Variants in DNAH14 observed in about 807,000 individuals in gnomAD.
DNAH14 encodes the protein axonemal beta dynein heavy chain 14.
DNAH14 carries 478 observed loss-of-function variants against 520.9 expected under a neutral mutation model. The observed-to-expected ratio is 0.92, with a 90% confidence interval of 0.85 to 0.99. DNAH14 has a LOEUF of 0.99. Among genes scored for constraint, DNAH14 ranks in the 50% least tolerant of loss-of-function variants. The pLI, the probability that DNAH14 is intolerant of heterozygous loss-of-function variation, is 0.00. For synonymous variants in DNAH14, 1,581 were observed against 1,757.2 expected, an observed-to-expected ratio of 0.90 and a Z score of 2.51; for missense variants, 4,831 against 5,234.5, an observed-to-expected ratio of 0.92 and a Z score of 2.38.
chr1:224,985,653 A>G (rs990901042), intron 8 of DNAH14, among the ~76,000 whole-genome samples: 7 of 152,162 alleles, frequency 4.6e-5, no homozygotes, highest in Admixed American at 3.3e-4. Flanking sequence ...AGGAAGCTCA[A>G]AGAAATTCAA....
chr1:225,283,583 A>G (rs2093672993), intron 54 of DNAH14, among the ~76,000 whole-genome samples: 1 of 152,218 alleles, frequency 6.6e-6, no homozygotes. Context: ...TAACAATAAT[A>G]GTTGGACACT....
At chr1:225,200,367 A>ATGCTATTTGTTGCC (rs2086666314) in intron 38 of DNAH14, among the ~76,000 whole-genome samples, 1 of 152,068 alleles carries the variant, frequency 6.6e-6, no homozygotes, top group Non-Finnish European at 1.5e-5. Context: ...TCCAGTCATC[A>ATGCTATTTGTTGCC]TGCTATTTGT....
At chr1:225,225,568 C>T (rs1474253820) in intron 41 of DNAH14, among the ~76,000 whole-genome samples, 1 of 151,750 alleles carries the variant, frequency 6.6e-6, no homozygotes, top group Non-Finnish European at 1.5e-5. Flanking sequence ...AAAATATGCT[C>T]AGAAAAAAAA....
At chr1:224,988,417 A>G (rs908689705) in intron 8 of DNAH14, among the ~76,000 whole-genome samples, 1 of 152,200 alleles carries the variant, frequency 6.6e-6, no homozygotes, top group South Asian at 2.1e-4. Flanking sequence ...CAAAACCACA[A>G]TGAAATACCA....
At chr1:225,386,128 G>C (rs1318579970) in intron 81 of DNAH14, among the ~76,000 whole-genome samples, 2 of 152,202 alleles carry the variant, frequency 1.3e-5, no homozygotes, top group Non-Finnish European at 2.9e-5. Context: ...AAGCAATGGG[G>C]AAACGATTCC....
intron 27 of DNAH14, among the ~76,000 whole-genome samples, chr1:225,128,110 A>T (rs1395347838): frequency 1.3e-5 from 2 of 152,120 alleles, no homozygotes; most frequent in Non-Finnish European, 2.9e-5. Context: ...CTTTGTGGGT[A>T]ACCCGACCGT....
chr1:225,252,043 T>G (rs930551590), intron 43 of DNAH14, among the ~76,000 whole-genome samples: 28 of 152,180 alleles, frequency 1.8e-4, no homozygotes, highest in African/African-American at 6.8e-4. Flanking sequence ...ATCAAAACTT[T>G]GGGGTAAGAT....
intron 36 of DNAH14, among the ~76,000 whole-genome samples, chr1:225,175,269 G>A (rs770024417): frequency 1.3e-5 from 2 of 152,096 alleles, no homozygotes; most frequent in Non-Finnish European, 2.9e-5. Flanking sequence ...GTAGAATTCA[G>A]CAGTGAAGCC....
intron 27 of DNAH14, among the ~76,000 whole-genome samples, chr1:225,131,667 A>G (rs1559056106): frequency 6.6e-6 from 1 of 152,216 alleles, no homozygotes; most frequent in Non-Finnish European, 1.5e-5. Flanking sequence ...GAATTAGGAA[A>G]TGAATATCTT....
intron 61 of DNAH14, 68 bp downstream of exon 61, chr1:225,318,745 C>A (rs2094509617): frequency 1.4e-6 from 2 of 1,401,806 alleles, no homozygotes; most frequent in East Asian, 2.5e-5. Flanking sequence ...GTTTACTAAG[C>A]CTATATTCCA....
chr1:225,117,808 C>T lies in DNAH14; in HGVS notation c.3972+20C>T. 1 of 1,530,750 alleles carries T rather than the reference C, an allele frequency of 6.5e-7. No individual in the cohort carries two copies. 94.8% of individuals were successfully genotyped at this position (1,530,750 alleles called of 1,614,324 possible). On this transcript the variant is annotated intron_variant, in intron 24 of 85. Transcript: ENST00000682510. ...GTACAGGTAATAACATCTTTCTCTGCTCAGCAATATTATATTAGCGATATT... is the reference window on the plus strand; with the variant it reads ...GTACAGGTAATAACATCTTTCTCTGTTCAGCAATATTATATTAGCGATATT...
At chr1:225,096,523 A>G (rs1216589756) in intron 21 of DNAH14, among the ~76,000 whole-genome samples, 1 of 152,154 alleles carries the variant, frequency 6.6e-6, no homozygotes, top group Non-Finnish European at 1.5e-5. Context: ...CTATTACTTT[A>G]ATAAGCATAG....
chr1:225,179,571 A>G (rs2083729557), intron 36 of DNAH14, among the ~76,000 whole-genome samples: 2 of 152,164 alleles, frequency 1.3e-5, no homozygotes, highest in Non-Finnish European at 2.9e-5. Context: ...TGTCTATCTC[A>G]CAACAAATTG....
At chr1:225,077,165 T>C (rs1421166527) in intron 17 of DNAH14, among the ~76,000 whole-genome samples, 1 of 152,246 alleles carries the variant, frequency 6.6e-6, no homozygotes, top group Admixed American at 6.5e-5. Flanking sequence ...ATTACATCTA[T>C]TGAGATAATC....
At chr1:225,336,851 A>G (rs2095066724) in intron 66 of DNAH14, among the ~76,000 whole-genome samples, 1 of 152,164 alleles carries the variant, frequency 6.6e-6, no homozygotes, top group Admixed American at 6.6e-5. Context: ...TGTGGTATAT[A>G]TGTATGTGTG....
intron 44 of DNAH14, 148 bp from the exon 45 acceptor site, chr1:225,257,812 G>A: frequency 1.7e-6 from 1 of 601,868 alleles, no homozygotes; most frequent in Non-Finnish European, 2.7e-6. Flanking sequence ...TGGGATTACA[G>A]GCGTGAGCCA....
chr1:225,306,712 T>C (rs1419358682), intron 58 of DNAH14, among the ~76,000 whole-genome samples: 1 of 152,150 alleles, frequency 6.6e-6, no homozygotes, highest in East Asian at 1.9e-4. Flanking sequence ...ACATACCTTG[T>C]ACTATCCTAG....
chr1:225,290,038 G>T lies in DNAH14; in HGVS notation c.8425G>T (p.Gly2809Trp). ...KKVFIHAGLK[G>W]KPTVLMVPNL... The stretch of plus-strand genomic sequence containing the variant: ...GGTGTTTATTCACGCAGGATTAAAA[G>T]GGAAACCCACTGTTCTGATGGTTCC... The change falls in exon 55 of 86, where the codon GGG becomes TGG. Residue 2809 changes from glycine (G) to tryptophan (W), a missense_variant. Physicochemically the swap from Gly to Trp is radical, Grantham distance 184 (BLOSUM62 -2). Coordinates refer to ENST00000682510, the MANE Select transcript of DNAH14 (RefSeq NM_001367479.1). 2.6e-6 allele frequency: 4 copies of T among 1,524,448 alleles called. No individual in the cohort carries two copies. Among genetic ancestry groups the T allele is most frequent in the Non-Finnish European group, 3.5e-6 (4 of 1,132,820 alleles). The allele number at this position is 1,524,448 out of a possible 1,614,324, so 94.4% of individuals were successfully genotyped here. A position where few individuals can be genotyped will look rare whatever the true frequency, so the allele number is the denominator to read the frequency against.
intron 9 of DNAH14, among the ~76,000 whole-genome samples, chr1:225,004,927 C>A (rs114932998): frequency 3.3e-5 from 5 of 152,076 alleles, no homozygotes. Flanking sequence ...GAAAGCATAC[C>A]TTTAAAGAGG....
Sources: allele counts gnomAD v4.1 joint callset (sites outside exome capture counted in the v4.1 genomes callset), GRCh38; gene constraint gnomAD v4.1.1; transcripts MANE v1.5; gene names NCBI Gene and HGNC (gene_info 2026-07-23, HGNC 2026-07-21).